The following C14orf39 variants were observed in gnomAD, a reference collection of about 807,000 sequenced individuals.
C14orf39 encodes chromosome 14 open reading frame 39, also known as protein SIX6OS1.
C14orf39 carries 66 observed loss-of-function variants against 85.6 expected under a neutral mutation model. The observed-to-expected ratio is 0.77, with a 90% CI of 0.63 to 0.95. The LOEUF (loss-of-function observed/expected upper bound fraction) is 0.95, where lower values mean the gene tolerates loss of function less well. Among genes scored for constraint, C14orf39 ranks in the 40% least tolerant of loss-of-function variants. The pLI, the probability that C14orf39 is intolerant of heterozygous loss-of-function variation, is 0.00. For synonymous variants in C14orf39, 242 were observed against 214.0 expected, an observed-to-expected ratio of 1.13 and a Z score of -1.14; for missense variants, 735 against 663.9, an observed-to-expected ratio of 1.11 and a Z score of -1.18.
chr14:60,506,508 G>T (rs1893205218), intron 1 of C14orf39, among the ~76,000 whole-genome samples: 1 of 152,154 alleles, frequency 6.6e-6, no homozygotes, highest in Admixed American at 6.5e-5. Flanking sequence ...TCTTTCCCAG[G>T]GGGCTCGGCT....
chr14:60,476,254 G>GT (rs1892372970), intron 5 of C14orf39, among the ~76,000 whole-genome samples: 2 of 152,128 alleles, frequency 1.3e-5, no homozygotes, highest in Non-Finnish European at 2.9e-5. Context: ...AGATGACTAT[G>GT]CCACATCCAC....
chr14:60,511,005 G>A, intron 1 of C14orf39: 1 of 1,449,972 alleles, frequency 6.9e-7, no homozygotes. Context: ...CCGGGCTGGA[G>A]GGACGCAGGA....
intron 2 of C14orf39, chr14:60,496,194 T>C (rs1595494354): frequency 4.6e-6 from 2 of 431,072 alleles, no homozygotes; most frequent in East Asian, 1.3e-4. Context: ...TACAGGAGAT[T>C]CACATGTTCA....
intron 5 of C14orf39, among the ~76,000 whole-genome samples, chr14:60,477,359 G>A (rs567341595): frequency 1.3e-5 from 2 of 151,666 alleles, no homozygotes; most frequent in East Asian, 1.9e-4. Flanking sequence ...GATTTTGCAC[G>A]TTTTAGTTAC....
chr14:60,514,959 C>T (rs1893343369), intron 1 of C14orf39, among the ~76,000 whole-genome samples: 1 of 152,120 alleles, frequency 6.6e-6, no homozygotes, highest in African/African-American at 2.4e-5. Context: ...CGGCCGGGCG[C>T]TCGGCGGGAC....
At chr14:60,437,186 T>C in intron 17 of C14orf39, 139 bp from the exon 18 acceptor site, 2 of 607,922 alleles carry the variant, frequency 3.3e-6, no homozygotes, top group Non-Finnish European at 5.7e-6. Context: ...TATTTAATTG[T>C]ATTCCTCTTA....
At chr14:60,444,996 A>C (rs1219313955) in intron 16 of C14orf39, among the ~76,000 whole-genome samples, 3 of 152,160 alleles carry the variant, frequency 2.0e-5, no homozygotes, top group South Asian at 4.1e-4. Flanking sequence ...GAAATAAAAT[A>C]CTTTACAGAC....
chr14:60,465,473 T>G (rs1422772251), intron 11 of C14orf39, among the ~76,000 whole-genome samples: 1 of 152,106 alleles, frequency 6.6e-6, no homozygotes, highest in Non-Finnish European at 1.5e-5. Context: ...CTGGAGACAG[T>G]CATTCCATTG....
intron 11 of C14orf39, 45 bp downstream of exon 11, chr14:60,465,934 T>C (rs773183791): frequency 2.0e-6 from 2 of 985,906 alleles, no homozygotes; most frequent in Non-Finnish European, 3.0e-6. Context: ...TTACATTTAA[T>C]GCAAGCAGGT....
intron 5 of C14orf39, among the ~76,000 whole-genome samples, chr14:60,476,674 CATTTTTAAGAATTAA>C (rs1291908216): frequency 2.6e-5 from 4 of 152,160 alleles, no homozygotes; most frequent in Non-Finnish European, 5.9e-5. Flanking sequence ...CTCACAGAAT[CATTTTTAAGAATTAA>C]TGTTTTATAG....
rs76972204 is a variant in C14orf39 at position 60,463,223 on chromosome 14, C to T, written c.973-1630G>A. Reference sequence around the variant, plus strand: ...TGGCATCTTGTTATGTTTAGTGATCCTTTGGCTTTCCTTTTCTATAAACTG... The same window carrying T: ...TGGCATCTTGTTATGTTTAGTGATCTTTTGGCTTTCCTTTTCTATAAACTG... On this transcript the variant is annotated intron_variant, in intron 11 of 17. Coordinates refer to ENST00000321731, the MANE Select transcript of C14orf39 (RefSeq NM_174978.3). Among the ~76,000 whole-genome samples, 93 of 152,114 alleles carry T rather than the reference C, an allele frequency of 6.1e-4. 1 individual carries two copies. In the East Asian group the frequency reaches 0.015, roughly 25 times the overall value.
At chr14:60,489,106 T>A (rs1252446350), upstream of C14orf39, among the ~76,000 whole-genome samples, 1 of 152,238 alleles carries the variant, frequency 6.6e-6, no homozygotes, top group Non-Finnish European at 1.5e-5. Flanking sequence ...TCCAGTCCTA[T>A]CCTATTATCA....
chr14:60,460,488 A>G (rs1891470015), intron 13 of C14orf39, among the ~76,000 whole-genome samples: 1 of 151,928 alleles, frequency 6.6e-6, no homozygotes, highest in Non-Finnish European at 1.5e-5. Flanking sequence ...ATGCTGTCAG[A>G]ATAAGGCATT....
At chr14:60,465,888 ACACACG>A in intron 11 of C14orf39, 85 bp downstream of exon 11, 1 of 304,370 alleles carries the variant, frequency 3.3e-6, no homozygotes, top group Non-Finnish European at 5.9e-6. Context: ...ACACACACAC[ACACACG>A]TCTGTGTCTT....
At chr14:60,479,001 G>A (rs537490989) in intron 4 of C14orf39, among the ~76,000 whole-genome samples, 26 of 151,884 alleles carry the variant, frequency 1.7e-4, no homozygotes, top group East Asian at 3.9e-4. Flanking sequence ...ATACCATGGC[G>A]GCTTCCAGTG....
At chr14:60,442,174 G>C in intron 16 of C14orf39, 43 bp from the exon 17 acceptor site, 1 of 1,294,074 alleles carries the variant, frequency 7.7e-7, no homozygotes, top group Non-Finnish European at 1.1e-6. Context: ...GAAATCAGTA[G>C]GACAGTATAT....
In C14orf39 at chr14:60,438,077, A is replaced by G. The variant is rs537194590; in HGVS notation, c.1562-1030T>C. Among the ~76,000 whole-genome samples, 21 of 152,064 alleles carry G rather than the reference A, an allele frequency of 1.4e-4. No homozygotes were observed. In the East Asian group the frequency reaches 3.3e-3, roughly 24 times the overall value. On this transcript the variant is annotated intron_variant, in intron 17 of 17. Transcript: ENST00000321731. ...CAAGTCTTTTTAAATATCTATTTTT[A>G]TATAGAATTAATCAAATAGCATATT...
In C14orf39 at chr14:60,515,181, C is replaced by A. The variant is rs1416672141; in HGVS notation, c.-144+214G>T. On this transcript the variant is annotated intron_variant, in intron 1 of 5. Coordinates refer to the C14orf39 transcript ENST00000556799. The surrounding 1 kb of genome is among the most constrained non-coding windows in gnomAD (Gnocchi z 6.2). ...ACGGGAAGGCAGCGGCGGGGAGGCC[C>A]CCTGGAGGCCTGCTGGGAAATGGCG... 1.3e-5 allele frequency: 2 copies of A among 151,990 alleles called. No homozygotes were observed. Among genetic ancestry groups the A allele is most frequent in the Admixed American group, 1.3e-4 (2 of 15,278 alleles). The allele number at this position is 151,990 out of a possible 1,614,324, so 9.4% of individuals were successfully genotyped here.
intron 4 of C14orf39, among the ~76,000 whole-genome samples, chr14:60,483,430 A>G (rs1362784313): frequency 6.6e-6 from 1 of 152,218 alleles, no homozygotes; most frequent in East Asian, 1.9e-4. Context: ...AATATATTTA[A>G]TAGGAATTTT....
Sources: gnomAD v4.1 joint callset for allele counts (sites outside exome capture counted in the v4.1 genomes callset) on GRCh38, gnomAD v4.1.1 for gene constraint, Gnocchi (gnomAD v3.1) non-coding constraint, MANE v1.5 for transcripts, NCBI Gene and HGNC (gene_info 2026-07-23, HGNC 2026-07-21) for gene names.